Variants in MICAL3 observed in about 807,000 individuals in gnomAD.
The protein encoded by MICAL3 is [F-actin]-monooxygenase MICAL3.
A neutral mutation model predicts 207.4 loss-of-function variants in MICAL3; 62 were observed. The observed-to-expected ratio is 0.30, with a 90% confidence interval of 0.24 to 0.37. The LOEUF (loss-of-function observed/expected upper bound fraction) is 0.37. Ranked by LOEUF, MICAL3 falls within the 10% of genes least tolerant of loss-of-function variation. The probability of loss-of-function intolerance (pLI) is 1.00; values close to 1 mark genes in which losing one functional copy is unlikely to be tolerated. For missense variants in MICAL3, 2,368 were observed against 2,635.6 expected (o/e 0.90, Z 2.22); for synonymous variants, 1,077 against 1,069.3 (o/e 1.01, Z -0.14).
chr22:17,921,679 G>C (rs1028109812), intron 1 of MICAL3, among the ~76,000 whole-genome samples: 54 of 152,198 alleles, frequency 3.5e-4, no homozygotes, highest in African/African-American at 1.3e-3. Context: ...AGTAGAGACG[G>C]GATTTCACCA....
intron 1 of MICAL3, among the ~76,000 whole-genome samples, chr22:17,923,891 A>G (rs1369380190): frequency 6.6e-6 from 1 of 152,220 alleles, no homozygotes; most frequent in African/African-American, 2.4e-5. Context: ...TAATTTATAA[A>G]GGAAAGAGGT....
chr22:17,951,352 C>CAAATGCAAACTATGACAAAATG, intron 1 of MICAL3, among the ~76,000 whole-genome samples: 2 of 152,176 alleles, frequency 1.3e-5, no homozygotes, highest in South Asian at 4.2e-4. Flanking sequence ...AAACTATGAC[C>CAAATGCAAACTATGACAAAATG]CAAGCTCCAT....
At position 17,863,253 on chromosome 22, in the gene MICAL3, A is replaced by G. The variant is rs1259805964; in HGVS notation, c.2605+1646T>C. ...TAATTCTTTTTAAAAAATGTTCTGT[A>G]CTCCAAACCGAAATGGAAAGTTTAG... On this transcript the variant is annotated intron_variant, in intron 19 of 31. Coordinates refer to ENST00000441493, the MANE Select transcript of MICAL3 (RefSeq NM_015241.3). 10 of 985,094 alleles carry G rather than the reference A, an allele frequency of 1.0e-5. No individual in the cohort carries two copies. In the South Asian group the frequency reaches 1.4e-4, roughly 14 times the overall value. The allele number at this position is 985,094 out of a possible 1,614,324, so 61.0% of individuals were successfully genotyped here. A position where few individuals can be genotyped will look rare whatever the true frequency, so the allele number is the denominator to read the frequency against.
intron 16 of MICAL3, among the ~76,000 whole-genome samples, chr22:17,882,814 C>G (rs1329922266): frequency 6.6e-6 from 1 of 152,204 alleles, no homozygotes; most frequent in Non-Finnish European, 1.5e-5. Flanking sequence ...AGTGCCCATC[C>G]CACAGAACCT....
chr22:17,840,845 C>G (rs1490910010), intron 20 of MICAL3: 2 of 152,274 alleles, frequency 1.3e-5, no homozygotes, highest in Non-Finnish European at 2.9e-5. Context: ...ACTGCAGACA[C>G]CAAGGCAGAG....
At chr22:17,905,888 C>T (rs1039093735) in intron 2 of MICAL3, among the ~76,000 whole-genome samples, 1 of 152,234 alleles carries the variant, frequency 6.6e-6, no homozygotes, top group African/African-American at 2.4e-5. Context: ...AACAGAAATA[C>T]TTTGGTTCAC....
chr22:17,989,190 C>T (rs547485550), intron 1 of MICAL3, among the ~76,000 whole-genome samples: 11 of 152,272 alleles, frequency 7.2e-5, no homozygotes, highest in Admixed American at 5.2e-4. Context: ...AAGCCCTCAA[C>T]GCCATGCCTT....
At chr22:17,860,434 G>A in intron 19 of MICAL3, 1 of 985,462 alleles carries the variant, frequency 1.0e-6, no homozygotes, top group Non-Finnish European at 1.2e-6. Context: ...CCGCCGCCGG[G>A]AAGCCGGCTG....
At chr22:17,848,630 G>A (rs185574513) in intron 19 of MICAL3, among the ~76,000 whole-genome samples, 2 of 152,280 alleles carry the variant, frequency 1.3e-5, no homozygotes, top group East Asian at 3.9e-4. Context: ...TAAAGTAGTG[G>A]GATGGGTCAC....
At chr22:17,855,655 C>T (rs151293734) in intron 19 of MICAL3, among the ~76,000 whole-genome samples, 201 of 152,308 alleles carry the variant, frequency 1.3e-3, no homozygotes, top group African/African-American at 4.4e-3. Flanking sequence ...ACAGTCAATT[C>T]GGATGGTTGT....
intron 29 of MICAL3, among the ~76,000 whole-genome samples, chr22:17,791,884 T>C (rs564087214): frequency 9.6e-4 from 146 of 152,356 alleles, no homozygotes; most frequent in African/African-American, 3.2e-3. Flanking sequence ...GCTCTCCCGC[T>C]GGATCCCGCA....
intron 1 of MICAL3, among the ~76,000 whole-genome samples, chr22:17,920,346 C>T (rs892367914): frequency 4.6e-5 from 7 of 152,126 alleles, no homozygotes; most frequent in African/African-American, 1.7e-4. Flanking sequence ...TGTCTTGGGG[C>T]CCCCAGCCCG....
chr22:17,964,230 G>A (rs1259801846), intron 1 of MICAL3, among the ~76,000 whole-genome samples: 1 of 151,530 alleles, frequency 6.6e-6, no homozygotes, highest in East Asian at 1.9e-4. Context: ...AGCTCAAGAG[G>A]AAGAAGGCCA....
intron 21 of MICAL3, 144 bp from the exon 22 acceptor site, chr22:17,827,925 G>T: frequency 1.4e-6 from 1 of 723,636 alleles, no homozygotes; most frequent in Non-Finnish European, 2.2e-6. Context: ...GAACATGTAT[G>T]CACATGTATA....
intron 20 of MICAL3, among the ~76,000 whole-genome samples, chr22:17,835,379 A>G (rs543073250): frequency 6.6e-6 from 1 of 152,334 alleles, no homozygotes; most frequent in South Asian, 2.1e-4. Context: ...CTCTTCATGA[A>G]GGACACAGAG....
At chr22:17,822,828 A>C in intron 23 of MICAL3, 119 bp downstream of exon 23, 1 of 613,542 alleles carries the variant, frequency 1.6e-6, no homozygotes, top group African/African-American at 1.9e-5. Flanking sequence ...GCCATGGTGG[A>C]GCCAAGAAGG....
rs1427877538 is a variant in MICAL3, at chr22:17,788,841, AAGCCCAAGGTCAGCAC to A, written c.*1875_*1890del. 8 of 152,542 alleles carry A rather than the reference AAGCCCAAGGTCAGCAC, an allele frequency of 5.2e-5. No homozygotes were observed. The highest frequency in any genetic ancestry group is 3.4e-3 in the Middle Eastern group (1 of 296). 9.4% of individuals were successfully genotyped at this position (152,542 alleles called of 1,614,324 possible). ...TGAAGCACAGTGTGGTTCCCATGGA[AAGCCCAAGGTCAGCAC>A]AGCCACTCAGCCTGCTCCACTGCGG... On this transcript the variant is annotated 3_prime_UTR_variant, in exon 32 of 32. Coordinates refer to ENST00000441493, the MANE Select transcript of MICAL3 (RefSeq NM_015241.3).
intron 21 of MICAL3, among the ~76,000 whole-genome samples, chr22:17,830,633 C>T (rs534614600): frequency 1.6e-4 from 24 of 152,214 alleles, no homozygotes; most frequent in African/African-American, 5.5e-4. Flanking sequence ...TCCGCAGACA[C>T]GGCAGCATGG....
At chr22:17,824,750 G>A (rs912947026) in intron 22 of MICAL3, among the ~76,000 whole-genome samples, 12 of 152,166 alleles carry the variant, frequency 7.9e-5, no homozygotes, top group Admixed American at 7.2e-4. Context: ...GCACCTGCTG[G>A]GGGAAGCAGG....
Sources: gnomAD v4.1 joint callset for allele counts (sites outside exome capture counted in the v4.1 genomes callset) on GRCh38, gnomAD v4.1.1 for gene constraint, MANE v1.5 for transcripts, NCBI Gene and HGNC (gene_info 2026-07-23, HGNC 2026-07-21) for gene names.